The following C4orf50 variants were observed in gnomAD, a reference collection of about 807,000 sequenced individuals.
C4orf50 encodes the protein chromosome 4 open reading frame 50, also known as uncharacterized protein C4orf50.
A neutral mutation model predicts 77.2 loss-of-function variants in C4orf50; 80 were observed. That is an observed-to-expected ratio of 1.04 (90% CI 0.87 to 1.25). The LOEUF is 1.25. Ranked by LOEUF, C4orf50 falls within the 50% of genes most tolerant of loss-of-function variation. The probability of loss-of-function intolerance (pLI) is 0.00; values close to 1 mark genes in which losing one functional copy is unlikely to be tolerated. For synonymous variants in C4orf50, 532 were observed against 465.3 expected, an observed-to-expected ratio of 1.14 and a Z score of -1.84; for missense variants, 1,257 against 1,152.9, an observed-to-expected ratio of 1.09 and a Z score of -1.31.
intron 7 of C4orf50, among the ~76,000 whole-genome samples, chr4:5,934,048 G>T (rs140512438): frequency 8.9e-4 from 135 of 152,190 alleles, no homozygotes; most frequent in Non-Finnish European, 1.7e-3. Flanking sequence ...GAGCAGCAGC[G>T]TGGTGTAGGG....
chr4:5,969,824 A>C (rs1379156972), intron 31 of C4orf50, among the ~76,000 whole-genome samples: 1 of 152,134 alleles, frequency 6.6e-6, no homozygotes, highest in Non-Finnish European at 1.5e-5. Flanking sequence ...TCTGCAGGTG[A>C]ATCTCCCAGG....
At chr4:6,001,700 C>T (rs1163017137) in intron 25 of C4orf50, among the ~76,000 whole-genome samples, 1 of 152,248 alleles carries the variant, frequency 6.6e-6, no homozygotes, top group African/African-American at 2.4e-5. Flanking sequence ...CACCCAGCAC[C>T]TCTTCTGTGC....
intron 7 of C4orf50, among the ~76,000 whole-genome samples, chr4:5,928,355 CACACACATACACACA>C (rs1717611243): frequency 7.5e-6 from 1 of 132,526 alleles, no homozygotes; most frequent in Non-Finnish European, 1.8e-5. Flanking sequence ...CATACACACA[CACACACATACACACA>C]CACACACATA....
At chr4:5,978,058 C>T (rs1038059772) in intron 29 of C4orf50, among the ~76,000 whole-genome samples, 5 of 152,176 alleles carry the variant, frequency 3.3e-5, no homozygotes, top group African/African-American at 1.2e-4. Flanking sequence ...GACCCACAAG[C>T]ACGTGAAAAG....
At chr4:5,959,428 T>A (rs759845004) in exon 34 of C4orf50, 1 of 1,614,216 alleles carries the variant, frequency 6.2e-7, no homozygotes, top group Non-Finnish European at 8.5e-7. Context: ...CTGCAAATGC[T>A]TTGTCTAAGC....
intron 33 of C4orf50, 44 bp from the exon 12 acceptor site, chr4:5,959,670 T>C: frequency 6.4e-7 from 1 of 1,572,646 alleles, no homozygotes; most frequent in Non-Finnish European, 8.6e-7. Flanking sequence ...GTCCACATGT[T>C]TGTAAAAGCC....
chr4:5,915,660 G>A (rs1191704091), intron 7 of C4orf50, among the ~76,000 whole-genome samples: 2 of 152,206 alleles, frequency 1.3e-5, no homozygotes, highest in Non-Finnish European at 2.9e-5. Flanking sequence ...GCAACTGAGT[G>A]GTCGGTAGCA....
chr4:5,906,222 G>T (rs1716544505), intron 7 of C4orf50, among the ~76,000 whole-genome samples: 1 of 151,720 alleles, frequency 6.6e-6, no homozygotes, highest in Non-Finnish European at 1.5e-5. Flanking sequence ...TTGGCATGGA[G>T]AGAAGTGGGG....
intron 33 of C4orf50, among the ~76,000 whole-genome samples, chr4:5,962,020 C>T (rs115241345): frequency 1.8e-4 from 28 of 152,282 alleles, no homozygotes; most frequent in African/African-American, 6.7e-4. Flanking sequence ...TCTGTTTTTG[C>T]CCAGGGCAAG....
intron 33 of C4orf50, 143 bp from the exon 12 acceptor site, chr4:5,959,769 T>A: frequency 1.0e-6 from 1 of 954,140 alleles, no homozygotes; most frequent in Non-Finnish European, 1.5e-6. Flanking sequence ...CAAATACTCC[T>A]CACACATTGG....
intron 7 of C4orf50, among the ~76,000 whole-genome samples, chr4:5,929,573 G>A (rs1717670311): frequency 6.6e-6 from 1 of 152,186 alleles, no homozygotes; most frequent in African/African-American, 2.4e-5. Context: ...AGAAGGAAAG[G>A]GGAAAGGAAA....
intron 7 of C4orf50, among the ~76,000 whole-genome samples, chr4:5,936,562 C>CAAAAA (rs374200584): frequency 4.7e-3 from 352 of 74,262 alleles, no homozygotes; most frequent in African/African-American, 7.0e-3. Flanking sequence ...GACGCCATCT[C>CAAAAA]AAAAAAAAAA....
intron 31 of C4orf50, among the ~76,000 whole-genome samples, chr4:5,972,286 A>T (rs1283768690): frequency 6.6e-6 from 1 of 152,166 alleles, no homozygotes; most frequent in African/African-American, 2.4e-5. Context: ...TACAGGCACG[A>T]GCCACCGCGC....
At chr4:6,003,566 T>C (rs1052767705) in intron 25 of C4orf50, among the ~76,000 whole-genome samples, 2 of 148,826 alleles carry the variant, frequency 1.3e-5, no homozygotes, top group African/African-American at 5.0e-5. Context: ...GTGATGGTGA[T>C]TATGGTGATG....
intron 25 of C4orf50, among the ~76,000 whole-genome samples, chr4:6,004,218 GTGA>G (rs1560598772): frequency 6.6e-5 from 3 of 45,152 alleles, no homozygotes; most frequent in African/African-American, 2.6e-4. Context: ...GATGGTGATG[GTGA>G]TGATGTGATG....
chr4:5,989,083 T>C (rs1045720073), exon 28 of C4orf50: 16 of 1,535,986 alleles, frequency 1.0e-5, no homozygotes, highest in Non-Finnish European at 1.3e-5. Context: ...TTTCTTTAAC[T>C]GAGAGATGTC....
chr4:5,953,347 C>A (rs776282116), downstream of C4orf50, among the ~76,000 whole-genome samples: 1 of 152,186 alleles, frequency 6.6e-6, no homozygotes, highest in Admixed American at 6.5e-5. Flanking sequence ...TTGACTTACA[C>A]AGAGAGGTTA....
In C4orf50 at chr4:5,970,502, G is replaced by A. The variant is rs944316222; in HGVS notation, c.4105-3040C>T. On this transcript the variant is annotated intron_variant, in intron 31 of 33. Coordinates refer to ENST00000531445, the Ensembl canonical transcript of C4orf50. This position sits in a 1 kb window ranked among gnomAD's most constrained non-coding sequence, Gnocchi z 4.3. The stretch of plus-strand genomic sequence containing the variant: ...GCGGATACAAGGGTGACCCATGGAC[G>A]CTAGTGACCCGGATGGCACAACAGC... 5.9e-5 allele frequency among the ~76,000 whole-genome samples: 9 copies of A among 152,128 alleles called. No individual in the cohort carries two copies. The highest frequency in any genetic ancestry group is 7.4e-5 in the Non-Finnish European group (5 of 68,026).
intron 7 of C4orf50, chr4:5,898,323 C>G (rs1400316210): frequency 6.6e-6 from 1 of 152,210 alleles, no homozygotes; most frequent in Non-Finnish European, 1.5e-5. Context: ...AGGATAGACC[C>G]CAGCCTCCCA....
Sources: allele counts gnomAD v4.1 joint callset (sites outside exome capture counted in the v4.1 genomes callset), GRCh38; gene constraint gnomAD v4.1.1; non-coding constraint Gnocchi (gnomAD v3.1); transcripts MANE v1.5; gene names NCBI Gene and HGNC (gene_info 2026-07-23, HGNC 2026-07-21).